The following PRTG variants were observed in gnomAD, a reference collection of about 807,000 sequenced individuals.
PRTG encodes the protein immunoglobulin superfamily, DCC subclass, member 5.
In PRTG, 67 loss-of-function variants were observed where a neutral mutation model predicts 122.5. The observed-to-expected ratio is 0.55, with a 90% CI of 0.45 to 0.67. The LOEUF (loss-of-function observed/expected upper bound fraction) is 0.67, where lower values mean the gene tolerates loss of function less well. Ranked by LOEUF, PRTG falls within the 30% of genes least tolerant of loss-of-function variation. The pLI is 0.00. For synonymous variants in PRTG, 554 were observed against 501.1 expected, an observed-to-expected ratio of 1.11 and a Z score of -1.41; for missense variants, 1,435 against 1,415.4, an observed-to-expected ratio of 1.01 and a Z score of -0.22.
intron 2 of PRTG, among the ~76,000 whole-genome samples, chr15:55,718,169 G>A (rs542141707): frequency 3.3e-5 from 5 of 151,834 alleles, no homozygotes; most frequent in East Asian, 3.9e-4. Context: ...ATTTTCTTCC[G>A]CAATGCCACT....
chr15:55,672,676 A>G, intron 10 of PRTG, 43 bp from the exon 11 acceptor site: 3 of 1,468,860 alleles, frequency 2.0e-6, no homozygotes, highest in Non-Finnish European at 2.8e-6. Flanking sequence ...ACAACCCAAT[A>G]TCCACATAAA....
chr15:55,673,648 C>T lies in PRTG; in HGVS notation c.1575G>A (p.Leu525=), dbSNP rs530463504. Residue 525 remains leucine, a synonymous_variant, in exon 10 of 20, where the codon TTG becomes TTA. Transcript: ENST00000389286. ...GAATATCAGTGGGACTTCGACTTGT[C>T]AAACTAATTTCAGGAGGTCTCAGGG... The part of the protein sequence containing the change: ...DVPLRPPEIS[L]TSRSPTDILI... 6.2e-7 allele frequency: 1 copy of T among 1,614,032 alleles called. No homozygotes were observed. The highest frequency in any genetic ancestry group is 2.2e-5 in the East Asian group (1 of 44,880).
intron 11 of PRTG, among the ~76,000 whole-genome samples, chr15:55,667,661 CTT>C (rs1290863685): frequency 6.6e-6 from 1 of 152,176 alleles, no homozygotes; most frequent in Non-Finnish European, 1.5e-5. Flanking sequence ...TAAATATTCT[CTT>C]TTGTTATAAT....
At chr15:55,711,767 C>A (rs960692444) in intron 2 of PRTG, among the ~76,000 whole-genome samples, 2 of 152,272 alleles carry the variant, frequency 1.3e-5, no homozygotes, top group Admixed American at 1.3e-4. Flanking sequence ...CAGAACCACC[C>A]ATCTGATCCA....
At chr15:55,669,050 GAAATACATAAGTTCATTCGTCTTTTTC>G (rs2059453732) in intron 11 of PRTG, among the ~76,000 whole-genome samples, 1 of 151,894 alleles carries the variant, frequency 6.6e-6, no homozygotes, top group African/African-American at 2.4e-5. Context: ...TAAATGAATT[GAAATACATAAGTTCATTCGTCTTTTTC>G]TTTCTTCCAG....
intron 2 of PRTG, among the ~76,000 whole-genome samples, chr15:55,710,103 C>T (rs1271486722): frequency 2.0e-5 from 3 of 152,098 alleles, no homozygotes; most frequent in Non-Finnish European, 4.4e-5. Context: ...ATATACACAA[C>T]CATTAACAAT....
chr15:55,646,386 G>A (rs1033319613), intron 11 of PRTG, among the ~76,000 whole-genome samples: 4 of 150,416 alleles, frequency 2.7e-5, no homozygotes, highest in African/African-American at 9.8e-5. Context: ...GCAGTGGCAC[G>A]ATCTCAGCTC....
intron 17 of PRTG, among the ~76,000 whole-genome samples, 165 bp from the exon 18 acceptor site, chr15:55,624,672 T>C (rs1372748961): frequency 6.6e-6 from 1 of 152,238 alleles, no homozygotes; most frequent in African/African-American, 2.4e-5. Flanking sequence ...TGCTGCAAAC[T>C]TTTATTATTT....
At chr15:55,725,047 T>C (rs1236888858) in intron 2 of PRTG, among the ~76,000 whole-genome samples, 8 of 152,236 alleles carry the variant, frequency 5.3e-5, no homozygotes, top group African/African-American at 1.7e-4. Context: ...TTTTGGTTTG[T>C]ACCTCCACTT....
At chr15:55,727,017 G>C (rs1470737264) in intron 2 of PRTG, among the ~76,000 whole-genome samples, 3 of 151,224 alleles carry the variant, frequency 2.0e-5, no homozygotes, top group Non-Finnish European at 4.4e-5. Context: ...TGGAAGCAGT[G>C]CTCAGAGGGA....
chr15:55,658,872 G>A (rs908056627), intron 11 of PRTG, among the ~76,000 whole-genome samples: 1 of 152,114 alleles, frequency 6.6e-6, no homozygotes, highest in Non-Finnish European at 1.5e-5. Flanking sequence ...TTCTTAGAAG[G>A]AAATGGGAGA....
chr15:55,670,899 A>C (rs1230442394), intron 11 of PRTG, among the ~76,000 whole-genome samples: 1 of 86,848 alleles, frequency 1.2e-5, no homozygotes, highest in Non-Finnish European at 2.3e-5. Flanking sequence ...AAACTCCGTC[A>C]CAAACACACA....
intron 11 of PRTG, chr15:55,655,968 TTC>T (rs2059377520): frequency 1.3e-5 from 2 of 153,420 alleles, no homozygotes; most frequent in Non-Finnish European, 2.9e-5. Context: ...TTATTTCTTA[TTC>T]TTTTATTTGT....
intron 2 of PRTG, chr15:55,738,679 C>T (rs1196968095): frequency 2.5e-6 from 1 of 406,680 alleles, no homozygotes; most frequent in Non-Finnish European, 4.3e-6. Flanking sequence ...AAAACCATTA[C>T]TCCATGAAAA....
In PRTG at chr15:55,627,054, A is replaced by T; in HGVS notation, c.2881T>A (p.Cys961Ser). ...AAGATGAGAACACAGATGAGGATGCAGGTCAAGGCTATGCCAACACCTACA... is the reference window on the plus strand; with the variant it reads ...AAGATGAGAACACAGATGAGGATGCTGGTCAAGGCTATGCCAACACCTACA... ...IAVGVGIALT[C>S]ILICVLILIY... The change falls in exon 17 of 20, where the codon TGC (cysteine) becomes AGC (serine). Residue 961 changes from cysteine (C) to serine (S), a missense_variant. By Grantham distance (112) the Cys-to-Ser change is moderately radical (BLOSUM62 -1). Transcript: ENST00000389286. 1.2e-6 allele frequency: 2 copies of T among 1,612,534 alleles called. No homozygotes were observed. Among genetic ancestry groups the T allele is most frequent in the South Asian group, 2.2e-5 (2 of 90,886 alleles).
chr15:55,679,665 C>A, intron 6 of PRTG: 1 of 478,266 alleles, frequency 2.1e-6, no homozygotes, highest in Non-Finnish European at 3.7e-6. Context: ...TCTATATAGA[C>A]ACACTTAAAA....
Position 55,618,230 on chromosome 15 carries a change from T to A in PRTG, c.*1782A>T, listed in dbSNP as rs2059149300. ...CCAGTTTGGCACAAAATTACAGATT[T>A]AAAAAAATTAAAAATGTTATATCTA... On this transcript the variant is annotated 3_prime_UTR_variant, in exon 20 of 20. Transcript: ENST00000389286. 1 of 152,132 alleles carries A rather than the reference T, an allele frequency of 6.6e-6. No individual in the cohort carries two copies. The highest frequency in any genetic ancestry group is 2.1e-4 in the South Asian group (1 of 4,826). The allele number at this position is 152,132 out of a possible 1,614,324, so 9.4% of individuals were successfully genotyped here.
chr15:55,624,108 T>C (rs992172194), intron 18 of PRTG, among the ~76,000 whole-genome samples: 2 of 152,156 alleles, frequency 1.3e-5, no homozygotes, highest in African/African-American at 4.8e-5. Flanking sequence ...ATAATATAAA[T>C]GAGATTATAT....
chr15:55,649,336 T>C (rs62017992), intron 11 of PRTG, among the ~76,000 whole-genome samples: 4,225 of 152,304 alleles, frequency 0.028, 105 homozygotes, highest in Middle Eastern at 0.048. Context: ...TTTTTCTCTC[T>C]GTACCTTGGT....
Sources: allele counts gnomAD v4.1 joint callset (sites outside exome capture counted in the v4.1 genomes callset), GRCh38; gene constraint gnomAD v4.1.1; transcripts MANE v1.5; gene names NCBI Gene and HGNC (gene_info 2026-07-23, HGNC 2026-07-21).